Variants in TMEM108 observed in about 807,000 individuals in gnomAD.
TMEM108 encodes the protein transmembrane protein 108.
In TMEM108, 12 loss-of-function variants were observed where a neutral mutation model predicts 35.1. That is an observed-to-expected ratio of 0.34 (90% CI 0.22 to 0.55). TMEM108 has a LOEUF of 0.55. Among genes scored for constraint, TMEM108 ranks in the 20% least tolerant of loss-of-function variants. The pLI, the probability that TMEM108 is intolerant of heterozygous loss-of-function variation, is 0.89. For missense variants in TMEM108, 680 were observed against 753.3 expected, an observed-to-expected ratio of 0.90 and a Z score of 1.14; for synonymous variants, 287 against 308.6, an observed-to-expected ratio of 0.93 and a Z score of 0.73.
At chr3:133,195,575 A>G (rs913633772) in intron 2 of TMEM108, among the ~76,000 whole-genome samples, 4 of 152,172 alleles carry the variant, frequency 2.6e-5, no homozygotes, top group Admixed American at 6.5e-5. Context: ...TTATTACTGT[A>G]TGTGTCAATT....
chr3:133,388,730 G>T, intron 4 of TMEM108: 1 of 985,442 alleles, frequency 1.0e-6, no homozygotes. Context: ...GGCCAGCAAG[G>T]CTGGCAGCTG....
At chr3:133,321,976 C>A (rs1284227153) in intron 3 of TMEM108, among the ~76,000 whole-genome samples, 1 of 152,082 alleles carries the variant, frequency 6.6e-6, no homozygotes, top group African/African-American at 2.4e-5. Context: ...ATCCTTTGAA[C>A]TGAATGATAA....
chr3:133,238,760 G>C (rs1258546191), intron 3 of TMEM108, among the ~76,000 whole-genome samples: 1 of 152,138 alleles, frequency 6.6e-6, no homozygotes, highest in Non-Finnish European at 1.5e-5. Context: ...CTGTAGTTGA[G>C]GAAGGAAAGT....
At chr3:133,338,688 G>T (rs929632381) in intron 3 of TMEM108, among the ~76,000 whole-genome samples, 9 of 152,036 alleles carry the variant, frequency 5.9e-5, no homozygotes, top group African/African-American at 1.9e-4. Context: ...TGTGTAAACT[G>T]CTCATATCTT....
At chr3:133,050,961 T>C (rs1397646750) in intron 2 of TMEM108, among the ~76,000 whole-genome samples, 2 of 149,666 alleles carry the variant, frequency 1.3e-5, no homozygotes, top group African/African-American at 4.9e-5. Flanking sequence ...AAAGCTGATA[T>C]AAAAATCTGT....
chr3:133,178,128 G>A (rs1945267095), intron 2 of TMEM108, among the ~76,000 whole-genome samples: 2 of 152,252 alleles, frequency 1.3e-5, no homozygotes, highest in South Asian at 4.1e-4. Flanking sequence ...ACCTCTTCAA[G>A]GAGAACTACA....
intron 2 of TMEM108, among the ~76,000 whole-genome samples, chr3:133,177,632 A>C (rs1236865639): frequency 6.6e-6 from 1 of 152,022 alleles, no homozygotes; most frequent in Admixed American, 6.6e-5. Flanking sequence ...CATGCTAAAA[A>C]CTCTCAATAA....
chr3:133,387,679 G>T, intron 4 of TMEM108: 1 of 646,180 alleles, frequency 1.5e-6, no homozygotes, highest in Non-Finnish European at 1.9e-6. Context: ...GGGCTGATTT[G>T]TTTCAGCACC....
chr3:133,335,708 T>C (rs923015693), intron 3 of TMEM108, among the ~76,000 whole-genome samples: 1 of 151,892 alleles, frequency 6.6e-6, no homozygotes, highest in Non-Finnish European at 1.5e-5. Flanking sequence ...ATTTAATAAC[T>C]ATCTACACCA....
At chr3:133,217,943 C>G (rs1945933173) in intron 2 of TMEM108, among the ~76,000 whole-genome samples, 2 of 151,966 alleles carry the variant, frequency 1.3e-5, no homozygotes, top group Non-Finnish European at 1.5e-5. Context: ...ATTGTTTTCT[C>G]TCTTTCTGTA....
At chr3:133,384,037 T>C (rs2073082528) in intron 4 of TMEM108, among the ~76,000 whole-genome samples, 1 of 152,188 alleles carries the variant, frequency 6.6e-6, no homozygotes, top group Non-Finnish European at 1.5e-5. Context: ...AACCCTGTGC[T>C]CTCAGGAACT....
intron 3 of TMEM108, among the ~76,000 whole-genome samples, chr3:133,296,169 C>T (rs1947142455): frequency 6.6e-6 from 1 of 152,022 alleles, no homozygotes; most frequent in African/African-American, 2.4e-5. Flanking sequence ...TTGGTTTTCT[C>T]TTAGTCATGT....
At chr3:133,098,358 A>C (rs1257140309) in intron 2 of TMEM108, among the ~76,000 whole-genome samples, 2 of 152,204 alleles carry the variant, frequency 1.3e-5, no homozygotes, top group Non-Finnish European at 2.9e-5. Context: ...GGTCCCTCCC[A>C]CAACACATGG....
chr3:133,279,705 T>C (rs916945637), intron 3 of TMEM108, among the ~76,000 whole-genome samples: 1 of 152,180 alleles, frequency 6.6e-6, no homozygotes, highest in Non-Finnish European at 1.5e-5. Context: ...AGCACAGCAC[T>C]TTATAGATAT....
At chr3:133,150,264 C>A (rs1442314722) in intron 2 of TMEM108, among the ~76,000 whole-genome samples, 1 of 149,160 alleles carries the variant, frequency 6.7e-6, no homozygotes, top group African/African-American at 2.5e-5. Flanking sequence ...TTTTCACATA[C>A]TTTTGGACAT....
rs149859941 is a variant in TMEM108 at position 133,206,315 on chromosome 3, C to T, written c.-46-22951C>T. On this transcript the variant is annotated intron_variant, in intron 2 of 5. Transcript: ENST00000321871. The stretch of plus-strand genomic sequence containing the variant: ...CCTACTTCTGTCAATTTGTCAAACT[C>T]GTTCTCCATCCAGTTTTGTTCCCTT... Among the ~76,000 whole-genome samples, 1,498 of 152,308 alleles carry T rather than the reference C, an allele frequency of 9.8e-3. 21 individuals carry two copies. Among genetic ancestry groups the T allele is most frequent in the African/African-American group, 0.033 (1,388 of 41,564 alleles).
rs529878535 is a variant in TMEM108, at chr3:133,116,467, T to C, written c.-47+70447T>C. On this transcript the variant is annotated intron_variant, in intron 2 of 5. Transcript: ENST00000321871. Reference sequence around the variant, plus strand: ...TTCTTAATATTCATTTTTCATGAACTTTTTGAAGACTTCTTGTATTTTATT... The same window carrying C: ...TTCTTAATATTCATTTTTCATGAACCTTTTGAAGACTTCTTGTATTTTATT... Among the ~76,000 whole-genome samples, 3 of 152,332 alleles carry C rather than the reference T, an allele frequency of 2.0e-5. No individual in the cohort carries two copies. The South Asian group carries it at 6.2e-4, about 32-fold the overall frequency.
chr3:133,122,862 C>CAA (rs11375073), intron 2 of TMEM108, among the ~76,000 whole-genome samples: 7,572 of 104,034 alleles, frequency 0.073, 292 homozygotes, highest in South Asian at 0.088. Context: ...GACTCCATCT[C>CAA]AAAAAAAAAA....
At chr3:133,306,095 CTT>C (rs1486746455) in intron 3 of TMEM108, among the ~76,000 whole-genome samples, 2 of 152,022 alleles carry the variant, frequency 1.3e-5, no homozygotes, top group African/African-American at 4.8e-5. Flanking sequence ...AAGCACAAAA[CTT>C]TTTAATTTTT....
Sources: allele counts gnomAD v4.1 joint callset (sites outside exome capture counted in the v4.1 genomes callset), GRCh38; gene constraint gnomAD v4.1.1; transcripts MANE v1.5; gene names NCBI Gene and HGNC (gene_info 2026-07-23, HGNC 2026-07-21).